ADGRV1: variants seen among roughly 807,000 people sequenced by gnomAD.
The protein encoded by ADGRV1 is adhesion G protein-coupled receptor V1.
A neutral mutation model predicts 596.2 loss-of-function variants in ADGRV1; 359 were observed. The observed-to-expected ratio is 0.60, with a 90% CI of 0.55 to 0.66. ADGRV1 has a LOEUF of 0.66. Among genes scored for constraint, ADGRV1 ranks in the 30% least tolerant of loss-of-function variants. The pLI is 0.00. For synonymous variants in ADGRV1, 2,681 were observed against 2,679.2 expected (o/e 1.00, Z -0.02); for missense variants, 7,274 against 7,575.6 (o/e 0.96, Z 1.48).
intron 85 of ADGRV1, among the ~76,000 whole-genome samples, chr5:91,025,448 A>G (rs924732715): frequency 8.5e-5 from 13 of 152,186 alleles, no homozygotes; most frequent in Admixed American, 5.2e-4. Flanking sequence ...GGGATTTAGT[A>G]TAAAAATCAA....
Position 90,679,639 on chromosome 5 carries a change from TTTTCCAAGGTCC to T in ADGRV1, c.5524+14_5524+25del, listed in dbSNP as rs1389154787. The T allele has an allele frequency of 1.3e-6, 2 of 1,598,374 alleles. No homozygotes were observed. Among genetic ancestry groups the T allele is most frequent in the African/African-American group, 2.7e-5 (2 of 74,742 alleles). ...ACTATTCACAAACGTGGTAAGCAGT[TTTTCCAAGGTCC>T]TTTACTATTATAGGTTTTTATTTTA... is the stretch of plus-strand genomic sequence containing the variant. On this transcript the variant is annotated intron_variant, in intron 26 of 89. Coordinates refer to ENST00000405460, the MANE Select transcript of ADGRV1 (RefSeq NM_032119.4).
chr5:90,705,485 A>C lies in ADGRV1; in HGVS notation c.8472A>C (p.Gly2824=), dbSNP rs1748474269. Residue 2824 remains glycine (G), a synonymous_variant, in exon 37 of 90, where the codon GGA becomes GGC. Transcript: ENST00000405460. ...LTVEASDEPH[G]VLNFALSSRF... ...TAGAAGCCAGTGATGAACCACATGGAGTTTTAAATTTTGCTCTTTCATCAA... is the reference window on the plus strand; with the variant it reads ...TAGAAGCCAGTGATGAACCACATGGCGTTTTAAATTTTGCTCTTTCATCAA... 6.2e-7 allele frequency: 1 copy of C among 1,613,876 alleles called. No homozygotes were observed. Among genetic ancestry groups the C allele is most frequent in the Admixed American group, 1.7e-5 (1 of 60,020 alleles).
At chr5:90,967,653 A>G (rs1284219372) in intron 84 of ADGRV1, among the ~76,000 whole-genome samples, 2 of 152,182 alleles carry the variant, frequency 1.3e-5, no homozygotes, top group Non-Finnish European at 2.9e-5. Flanking sequence ...CTTATCAGAT[A>G]TGTACGTGGT....
At chr5:90,613,731 T>G (rs1201071205) in intron 1 of ADGRV1, among the ~76,000 whole-genome samples, 1 of 152,130 alleles carries the variant, frequency 6.6e-6, no homozygotes, top group Non-Finnish European at 1.5e-5. Flanking sequence ...CAGACTGCAT[T>G]GTCTGTATAT....
At chr5:90,909,506 A>G (rs1772650445) in intron 83 of ADGRV1, among the ~76,000 whole-genome samples, 1 of 152,124 alleles carries the variant, frequency 6.6e-6, no homozygotes, top group Non-Finnish European at 1.5e-5. Context: ...ATTCCCAACC[A>G]GACAAATTGG....
intron 85 of ADGRV1, among the ~76,000 whole-genome samples, chr5:91,018,006 A>G (rs552426982): frequency 6.6e-6 from 1 of 152,108 alleles, no homozygotes; most frequent in South Asian, 2.1e-4. Flanking sequence ...TAAAACAAAT[A>G]TATTATATTG....
intron 87 of ADGRV1, among the ~76,000 whole-genome samples, chr5:91,117,473 A>T (rs1792951071): frequency 1.3e-5 from 2 of 152,128 alleles, no homozygotes; most frequent in South Asian, 4.1e-4. Flanking sequence ...GACAACCTGA[A>T]TGGTAGGGAC....
chr5:90,972,292 A>T (rs1313614877), intron 84 of ADGRV1, among the ~76,000 whole-genome samples: 1 of 152,198 alleles, frequency 6.6e-6, no homozygotes, highest in Non-Finnish European at 1.5e-5. Context: ...AGACAGATCA[A>T]TGAGACAGAA....
intron 52 of ADGRV1, among the ~76,000 whole-genome samples, chr5:90,749,749 T>C (rs1458270823): frequency 6.6e-6 from 1 of 152,146 alleles, no homozygotes; most frequent in Non-Finnish European, 1.5e-5. Flanking sequence ...GAACAGTTCA[T>C]GAAATGGCTG....
chr5:90,645,952 G>GT lies in ADGRV1; in HGVS notation c.2899-15dup. ...GTATAAGTCACCTGACTTAAAACGT[G>GT]TAACATTTTCCAAAGATTCCAGAAG... On this transcript the variant is annotated splice_polypyrimidine_tract_variant and intron_variant, in intron 15 of 89. Coordinates refer to ENST00000405460, the MANE Select transcript of ADGRV1 (RefSeq NM_032119.4). The GT allele has an allele frequency of 6.4e-7, 1 of 1,574,018 alleles. No homozygotes were observed. The highest frequency in any genetic ancestry group is 8.6e-7 in the Non-Finnish European group (1 of 1,159,294).
At chr5:90,838,440 A>G (rs550812187) in intron 77 of ADGRV1, among the ~76,000 whole-genome samples, 3 of 152,092 alleles carry the variant, frequency 2.0e-5, no homozygotes, top group Non-Finnish European at 2.9e-5. Flanking sequence ...GCTAGACTAT[A>G]TAGAACTGTT....
intron 83 of ADGRV1, among the ~76,000 whole-genome samples, chr5:90,865,480 A>G (rs1236834062): frequency 2.0e-5 from 3 of 152,130 alleles, no homozygotes; most frequent in East Asian, 3.8e-4. Flanking sequence ...ATGTTGGAGC[A>G]CTGACTTTTG....
intron 15 of ADGRV1, among the ~76,000 whole-genome samples, chr5:90,645,399 G>A (rs544172444): frequency 1.3e-5 from 2 of 152,268 alleles, no homozygotes; most frequent in South Asian, 4.1e-4. Context: ...TGTTTTAGGG[G>A]GAGGGGAGCA....
At chr5:90,577,626 T>G (rs1757408176) in intron 1 of ADGRV1, among the ~76,000 whole-genome samples, 1 of 152,198 alleles carries the variant, frequency 6.6e-6, no homozygotes, top group Non-Finnish European at 1.5e-5. Context: ...ATATGAAGTT[T>G]AAAGTAGTTT....
chr5:91,096,456 T>C (rs1432831729), intron 86 of ADGRV1, among the ~76,000 whole-genome samples: 1 of 152,268 alleles, frequency 6.6e-6, no homozygotes, highest in Non-Finnish European at 1.5e-5. Context: ...GTAGCACTAA[T>C]TGACGTATCT....
intron 86 of ADGRV1, among the ~76,000 whole-genome samples, chr5:91,082,678 T>C (rs1164971190): frequency 6.6e-6 from 1 of 152,184 alleles, no homozygotes; most frequent in Non-Finnish European, 1.5e-5. Context: ...AAAAAATTTT[T>C]GAGGCTGTTT....
chr5:91,061,312 G>T (rs143248992), intron 85 of ADGRV1, among the ~76,000 whole-genome samples: 1 of 152,148 alleles, frequency 6.6e-6, no homozygotes, highest in Non-Finnish European at 1.5e-5. Context: ...GTTGGCAAGC[G>T]GTGTCCAGTG....
intron 21 of ADGRV1, among the ~76,000 whole-genome samples, chr5:90,663,796 G>A (rs1172630562): frequency 6.6e-6 from 1 of 151,812 alleles, no homozygotes; most frequent in Admixed American, 6.6e-5. Context: ...TGTATAAGGT[G>A]TAAGGAAGGG....
chr5:91,084,306 A>G (rs1252469455), intron 86 of ADGRV1, among the ~76,000 whole-genome samples: 2 of 152,194 alleles, frequency 1.3e-5, no homozygotes, highest in African/African-American at 4.8e-5. Context: ...ACAGAATAGG[A>G]GAAAAATTTT....
Sources: allele counts gnomAD v4.1 joint callset (sites outside exome capture counted in the v4.1 genomes callset), GRCh38; gene constraint gnomAD v4.1.1; transcripts MANE v1.5; gene names NCBI Gene and HGNC (gene_info 2026-07-23, HGNC 2026-07-21).